The following SHANK2 variants were observed in gnomAD, a reference collection of about 807,000 sequenced individuals.
SHANK2 encodes the protein SH3 and multiple ankyrin repeat domains 2.
In SHANK2, 43 loss-of-function variants were observed where a neutral mutation model predicts 133.7. The ratio of observed to expected loss-of-function variants is 0.32; its 90% confidence interval spans 0.25 to 0.41. The LOEUF is 0.41. Among genes scored for constraint, SHANK2 ranks in the 10% least tolerant of loss-of-function variants. The probability of loss-of-function intolerance (pLI) is 1.00; values close to 1 mark genes in which losing one functional copy is unlikely to be tolerated. For missense variants in SHANK2, 1,994 were observed against 2,235.8 expected, an observed-to-expected ratio of 0.89 and a Z score of 2.18; for synonymous variants, 1,017 against 952.8, an observed-to-expected ratio of 1.07 and a Z score of -1.24.
Position 70,485,643 on chromosome 11 carries a change from T to C in SHANK2, c.4650A>G (p.Pro1550=). 3 of 1,614,126 alleles carry C rather than the reference T, an allele frequency of 1.9e-6. No homozygotes were observed. Among genetic ancestry groups the C allele is most frequent in the Non-Finnish European group, 2.5e-6 (3 of 1,180,036 alleles). Residue 1550 remains proline, a synonymous_variant, in exon 25 of 26, where the codon CCA becomes CCG. Coordinates refer to ENST00000601538, the MANE Select transcript of SHANK2 (RefSeq NM_012309.5). The surrounding 1 kb of genome is among the most constrained non-coding windows in gnomAD (Gnocchi z 5.8). ...TTTTGTGAATGATGGGCTTCATTTT[T>C]GGCTTAGGAGGTACTGGGGGTTTGT... is the stretch of plus-strand genomic sequence containing the variant. The part of the protein sequence containing the change: ...MVDKPPVPPK[P]KMKPIIHKSN...
chr11:70,744,823 C>T (rs1303100692), intron 14 of SHANK2, among the ~76,000 whole-genome samples: 1 of 152,240 alleles, frequency 6.6e-6, no homozygotes, highest in Non-Finnish European at 1.5e-5. Context: ...TGCACCCCTG[C>T]AAGGTCTCAG....
In SHANK2 at chr11:71,124,646, G is replaced by C. The variant is rs1262051765; in HGVS notation, c.208-5614C>G. On this transcript the variant is annotated intron_variant, in intron 3 of 25. Transcript: ENST00000601538. ...GGTCACACTTCTAGAAAGCAGTAGA[G>C]GTTTGGTTTAAACCCAAGTCAAATC... Among the ~76,000 whole-genome samples, 7 of 152,130 alleles carry C rather than the reference G, an allele frequency of 4.6e-5. No homozygotes were observed. The East Asian group carries it at 1.2e-3, about 25-fold the overall frequency.
chr11:71,209,690 C>T (rs1954211773), intron 2 of SHANK2, among the ~76,000 whole-genome samples: 1 of 152,214 alleles, frequency 6.6e-6, no homozygotes, highest in Non-Finnish European at 1.5e-5. Flanking sequence ...GCTGGGTGCT[C>T]CTGCAGGAGA....
chr11:70,644,193 T>C (rs2061228481), intron 17 of SHANK2, among the ~76,000 whole-genome samples: 1 of 152,184 alleles, frequency 6.6e-6, no homozygotes. Flanking sequence ...AAGCATAAAA[T>C]TTGCCATTTT....
intron 15 of SHANK2, 128 bp from the exon 16 acceptor site, chr11:70,661,806 A>G: frequency 6.2e-7 from 1 of 1,612,432 alleles, no homozygotes; most frequent in Non-Finnish European, 8.5e-7. Context: ...TCCAGGCAGC[A>G]TGGAGGAAAG....
chr11:70,616,300 T>C (rs942664794), intron 17 of SHANK2, among the ~76,000 whole-genome samples: 1 of 151,298 alleles, frequency 6.6e-6, no homozygotes. Context: ...AGGCCCTGCG[T>C]CTGTTGGCGA....
At chr11:70,917,754 A>G (rs1488577297) in intron 10 of SHANK2, among the ~76,000 whole-genome samples, 1 of 152,230 alleles carries the variant, frequency 6.6e-6, no homozygotes, top group Non-Finnish European at 1.5e-5. Flanking sequence ...TAATGCAGAA[A>G]CAGGAAACCA....
chr11:71,206,988 G>A (rs2135665820), intron 2 of SHANK2, among the ~76,000 whole-genome samples: 1 of 152,008 alleles, frequency 6.6e-6, no homozygotes, highest in Admixed American at 6.6e-5. Context: ...CAGGAAGGCG[G>A]GGAGTGAGGA....
rs2060242781 is a variant in SHANK2, at chr11:70,585,837, C to T, written c.2061+73991G>A. On this transcript the variant is annotated intron_variant, in intron 17 of 25. Coordinates refer to ENST00000601538, the MANE Select transcript of SHANK2 (RefSeq NM_012309.5). ...ATCTATCCATTTGCTCACCCACCCA[C>T]CCACCCACCCATGCATTTGTCCATC... 2.4e-5 allele frequency among the ~76,000 whole-genome samples: 3 copies of T among 125,850 alleles called. 1 individual carries two copies. The highest frequency in any genetic ancestry group is 5.0e-5 in the Non-Finnish European group (3 of 59,886). The allele number at this position is 125,850 out of a possible 152,430, so 82.6% of individuals were successfully genotyped here. A position where few individuals can be genotyped will look rare whatever the true frequency, so the allele number is the denominator to read the frequency against.
rs566425382 is a variant in SHANK2 at position 70,702,122 on chromosome 11, TCAC to T, written c.1778-3362_1778-3360del. ...ATCTTCTTCACCATCATCACCACCA[TCAC>T]CACATCATCACCACCATCTTCTTCA... On this transcript the variant is annotated intron_variant, in intron 14 of 25. Transcript: ENST00000601538. 6.0e-4 allele frequency among the ~76,000 whole-genome samples: 87 copies of T among 145,392 alleles called. No individual in the cohort carries two copies. In the East Asian group the frequency reaches 7.6e-3, roughly 13 times the overall value.
intron 3 of SHANK2, among the ~76,000 whole-genome samples, chr11:71,137,415 G>A (rs1343689262): frequency 6.6e-6 from 1 of 151,942 alleles, no homozygotes; most frequent in Admixed American, 6.6e-5. Flanking sequence ...CACAACTTGA[G>A]TTGAGGGGCA....
rs560031557 is a variant in SHANK2, at chr11:70,812,762, A to C, written c.1494-5591T>G. On this transcript the variant is annotated intron_variant, in intron 12 of 25. Coordinates refer to ENST00000601538, the MANE Select transcript of SHANK2 (RefSeq NM_012309.5). ...GTCCCTCCTGCTGTCCTGCCTGCAC[A>C]GTGAGGACTGGTCTGAAGTTCCTGC... Among the ~76,000 whole-genome samples, 4 of 152,346 alleles carry C rather than the reference A, an allele frequency of 2.6e-5. No individual in the cohort carries two copies. The South Asian group carries it at 8.3e-4, about 32-fold the overall frequency.
rs1260194857 is a variant in SHANK2, at chr11:70,487,848, A to C, written c.2573-128T>G. On this transcript the variant is annotated intron_variant, in intron 24 of 25. Transcript: ENST00000601538. This position sits in a 1 kb window ranked among gnomAD's most constrained non-coding sequence, Gnocchi z 5.8. ...ATGATGAACCGGATGTTCAGGAAAC[A>C]CAGCACAAGCCACGATGCCGAGTGG... 2 of 1,529,466 alleles carry C rather than the reference A, an allele frequency of 1.3e-6. No individual in the cohort carries two copies. Among genetic ancestry groups the C allele is most frequent in the Non-Finnish European group, 1.8e-6 (2 of 1,133,422 alleles). 94.7% of individuals were successfully genotyped at this position (1,529,466 alleles called of 1,614,324 possible).
intron 14 of SHANK2, among the ~76,000 whole-genome samples, chr11:70,746,918 C>G (rs1283891087): frequency 6.6e-6 from 1 of 151,616 alleles, no homozygotes; most frequent in East Asian, 1.9e-4. Flanking sequence ...TGTCTGCTTC[C>G]CTCCACCGCT....
intron 6 of SHANK2, among the ~76,000 whole-genome samples, chr11:71,103,612 G>A (rs1429559991): frequency 5.9e-5 from 9 of 152,154 alleles, no homozygotes; most frequent in East Asian, 5.8e-4. Flanking sequence ...TACCCCATAC[G>A]CTTAACCACT....
At chr11:70,706,976 G>A (rs1467484589) in intron 14 of SHANK2, among the ~76,000 whole-genome samples, 2 of 152,056 alleles carry the variant, frequency 1.3e-5, no homozygotes, top group Admixed American at 6.6e-5. Flanking sequence ...TTCTGGAAAA[G>A]GAAATAAGAG....
chr11:71,092,543 C>A lies in SHANK2; in HGVS notation c.791G>T (p.Gly264Val). The A allele has an allele frequency of 5.8e-6, 9 of 1,551,804 alleles. No homozygotes were observed. Among genetic ancestry groups the A allele is most frequent in the Non-Finnish European group, 7.8e-6 (9 of 1,147,034 alleles). ...GGCTGTGTGATACAGCGGGGTGAGG[C>A]CGTAACTGTCTTTATAATCTGGGGA... ...GASPDYKDSY[G>V]LTPLYHTAIV... The change falls in exon 8 of 26, where the codon GGC becomes GTC. Residue 264 changes from glycine to valine, a missense_variant. Transcript: ENST00000601538.
intron 14 of SHANK2, chr11:70,705,586 G>A (rs181922820): frequency 6.6e-6 from 1 of 152,324 alleles, no homozygotes; most frequent in East Asian, 1.9e-4. Flanking sequence ...TCTCAGAGGA[G>A]ACCCCTCTGC....
intron 17 of SHANK2, among the ~76,000 whole-genome samples, chr11:70,617,430 A>C (rs1344707611): frequency 6.6e-6 from 1 of 152,236 alleles, no homozygotes; most frequent in Non-Finnish European, 1.5e-5. Context: ...GAGTTCACCC[A>C]GCCCTGCCAT....
Sources: gnomAD v4.1 joint callset for allele counts (sites outside exome capture counted in the v4.1 genomes callset) on GRCh38, gnomAD v4.1.1 for gene constraint, Gnocchi (gnomAD v3.1) non-coding constraint, MANE v1.5 for transcripts, NCBI Gene and HGNC (gene_info 2026-07-23, HGNC 2026-07-21) for gene names.